AGBL4: variants seen among roughly 807,000 people sequenced by gnomAD.
AGBL4 encodes the protein cytosolic carboxypeptidase 6.
In AGBL4, 58 loss-of-function variants were observed where a neutral mutation model predicts 66.4. The observed-to-expected ratio is 0.87, with a 90% CI of 0.71 to 1.09. The LOEUF (loss-of-function observed/expected upper bound fraction) is 1.09, where lower values mean the gene tolerates loss of function less well. Ranked by LOEUF, AGBL4 falls within the 50% of genes least tolerant of loss-of-function variation. The pLI, the probability that AGBL4 is intolerant of heterozygous loss-of-function variation, is 0.00. For missense variants in AGBL4, 579 were observed against 631.0 expected (o/e 0.92, Z 0.88); for synonymous variants, 234 against 222.9 (o/e 1.05, Z -0.44).
At chr1:49,353,923 C>T (rs1037378783) in intron 3 of AGBL4, among the ~76,000 whole-genome samples, 1 of 152,174 alleles carries the variant, frequency 6.6e-6, no homozygotes, top group Non-Finnish European at 1.5e-5. Context: ...CTGAGAGCCA[C>T]CTCCATCACT....
intron 9 of AGBL4, among the ~76,000 whole-genome samples, chr1:48,619,604 A>G (rs1198170544): frequency 1.3e-5 from 2 of 152,184 alleles, no homozygotes; most frequent in Non-Finnish European, 2.9e-5. Context: ...GATGACTAAT[A>G]AAGATTCGCC....
intron 5 of AGBL4, among the ~76,000 whole-genome samples, chr1:49,019,675 T>G (rs1342525681): frequency 6.6e-6 from 1 of 152,190 alleles, no homozygotes; most frequent in South Asian, 2.1e-4. Flanking sequence ...TGTGTAGCTG[T>G]TTAGAAATGT....
intron 1 of AGBL4, among the ~76,000 whole-genome samples, chr1:49,895,941 TAAA>T (rs34539823): frequency 9.7e-5 from 13 of 133,946 alleles, no homozygotes; most frequent in South Asian, 2.4e-4. Context: ...CTGAATGGGG[TAAA>T]AAAAAAAAAA....
rs143604487 is a variant in AGBL4, at chr1:49,921,063, T to C, written c.35-69545A>G. 2.4e-3 allele frequency among the ~76,000 whole-genome samples: 357 copies of C among 151,768 alleles called. 13 individuals are homozygous for C. In the East Asian group the frequency reaches 0.062, roughly 27 times the overall value. ...AATGAGAACACTTGGACACAGGAAG[T>C]GGAACATCACACACCAGGGCCTGTC... On this transcript the variant is annotated intron_variant, in intron 1 of 13. Transcript: ENST00000371839.
chr1:49,471,722 A>T (rs936216848), intron 3 of AGBL4, among the ~76,000 whole-genome samples: 4 of 151,984 alleles, frequency 2.6e-5, no homozygotes, highest in African/African-American at 9.7e-5. Flanking sequence ...CAACAAGACA[A>T]GAAACTCTTA....
chr1:49,941,010 A>G (rs981953886), intron 1 of AGBL4, among the ~76,000 whole-genome samples: 20 of 152,140 alleles, frequency 1.3e-4, no homozygotes, highest in Non-Finnish European at 1.5e-4. Flanking sequence ...ACAGAAATAC[A>G]AAGGATCATA....
At chr1:48,854,630 C>T (rs17105008) in intron 6 of AGBL4, among the ~76,000 whole-genome samples, 1 of 152,264 alleles carries the variant, frequency 6.6e-6, no homozygotes, top group Non-Finnish European at 1.5e-5. Context: ...TGCCAGGCCC[C>T]AGTTTATCCC....
At chr1:49,024,014 G>C (rs534620051) in intron 5 of AGBL4, among the ~76,000 whole-genome samples, 1 of 152,252 alleles carries the variant, frequency 6.6e-6, no homozygotes, top group South Asian at 2.1e-4. Context: ...TAGTAACTGA[G>C]AGCAATTGGC....
At chr1:49,347,482 A>C (rs985235614) in intron 3 of AGBL4, among the ~76,000 whole-genome samples, 73 of 151,610 alleles carry the variant, frequency 4.8e-4, no homozygotes, top group African/African-American at 1.5e-3. Flanking sequence ...CGATCTCCTG[A>C]CCTCATGATC....
chr1:49,044,492 T>C (rs1401195187), intron 5 of AGBL4, among the ~76,000 whole-genome samples: 1 of 149,930 alleles, frequency 6.7e-6, no homozygotes, highest in African/African-American at 2.5e-5. Flanking sequence ...CAAGACTCCA[T>C]CTCAAAAAAA....
chr1:49,237,491 C>T (rs1472181979), intron 4 of AGBL4, among the ~76,000 whole-genome samples: 1 of 144,884 alleles, frequency 6.9e-6, no homozygotes, highest in South Asian at 2.2e-4. Context: ...GTCACTCATC[C>T]TTTTTTTCCT....
chr1:48,816,577 T>A (rs1024122213), intron 6 of AGBL4, among the ~76,000 whole-genome samples: 1 of 152,210 alleles, frequency 6.6e-6, no homozygotes. Context: ...AATGCCAGCC[T>A]GTAACCCTCA....
rs535441646 is a variant in AGBL4, at chr1:48,655,040, C to T, written c.725-1589G>A. 2.0e-5 allele frequency among the ~76,000 whole-genome samples: 3 copies of T among 152,332 alleles called. No homozygotes were observed. The East Asian group carries it at 5.8e-4, about 29-fold the overall frequency. On this transcript the variant is annotated intron_variant, in intron 7 of 13. Transcript: ENST00000371839. ...CTGTGCTCAGGGCCTGGCCACACCG[C>T]CTCAGAGAATGGCTTCTGGAAATGG...
intron 6 of AGBL4, among the ~76,000 whole-genome samples, chr1:48,750,170 T>A (rs1473456636): frequency 3.9e-5 from 6 of 152,152 alleles, no homozygotes; most frequent in African/African-American, 1.4e-4. Context: ...TGTTGATTGA[T>A]TTGCCTGACT....
intron 3 of AGBL4, among the ~76,000 whole-genome samples, chr1:49,354,620 A>T (rs1319322488): frequency 6.6e-6 from 1 of 152,180 alleles, no homozygotes; most frequent in Non-Finnish European, 1.5e-5. Context: ...GTAAAACCTC[A>T]TGTAACATCT....
chr1:48,939,526 G>T (rs184472083), intron 5 of AGBL4, among the ~76,000 whole-genome samples: 228 of 152,332 alleles, frequency 1.5e-3, no homozygotes, highest in Non-Finnish European at 2.5e-3. Flanking sequence ...CCTCCAGGAG[G>T]GGGAGGAAAG....
chr1:48,537,340 T>C (rs1423464600), intron 12 of AGBL4, among the ~76,000 whole-genome samples: 3 of 152,086 alleles, frequency 2.0e-5, no homozygotes, highest in Non-Finnish European at 4.4e-5. Context: ...TCTGAACTCA[T>C]GAGGAAGGAG....
At chr1:48,925,351 A>G (rs1460200801) in intron 5 of AGBL4, among the ~76,000 whole-genome samples, 1 of 152,200 alleles carries the variant, frequency 6.6e-6, no homozygotes, top group Non-Finnish European at 1.5e-5. Flanking sequence ...TACTTCTAAT[A>G]CCAAATACAA....
chr1:49,549,376 G>A (rs1203552390), intron 3 of AGBL4, among the ~76,000 whole-genome samples: 1 of 151,622 alleles, frequency 6.6e-6, no homozygotes, highest in African/African-American at 2.4e-5. Context: ...ACCTTAGAAT[G>A]TCAATTTGTG....
Sources: allele counts gnomAD v4.1 joint callset (sites outside exome capture counted in the v4.1 genomes callset), GRCh38; gene constraint gnomAD v4.1.1; transcripts MANE v1.5; gene names NCBI Gene and HGNC (gene_info 2026-07-23, HGNC 2026-07-21).